The following TET3 variants were observed in gnomAD, a reference collection of about 807,000 sequenced individuals.
TET3 encodes the protein methylcytosine dioxygenase TET3.
Under a neutral mutation model 141.4 loss-of-function variants are expected in TET3, and 19 were observed. The ratio of observed to expected loss-of-function variants is 0.13; its 90% CI spans 0.09 to 0.20. The LOEUF (loss-of-function observed/expected upper bound fraction) is 0.20. Ranked by LOEUF, TET3 falls within the 10% of genes least tolerant of loss-of-function variation. The pLI, the probability that TET3 is intolerant of heterozygous loss-of-function variation, is 1.00. For missense variants in TET3, 1,874 were observed against 2,356.9 expected, an observed-to-expected ratio of 0.80 and a Z score of 4.24; for synonymous variants, 1,043 against 980.9, an observed-to-expected ratio of 1.06 and a Z score of -1.18.
At chr2:74,061,327 G>A (rs1331775729) in intron 4 of TET3, among the ~76,000 whole-genome samples, 6 of 135,044 alleles carry the variant, frequency 4.4e-5, no homozygotes, top group South Asian at 2.4e-4. Context: ...CCGGGCAGAG[G>A]CGCCCCTCAC....
the TET3 span, among the ~76,000 whole-genome samples, chr2:74,127,676 AAC>A: frequency 6.6e-6 from 1 of 151,702 alleles, no homozygotes; most frequent in Non-Finnish European, 1.5e-5. Flanking sequence ...TGCCTTGAAA[AAC>A]ACATTATTCT....
chr2:74,098,035 C>T (rs1690950908), intron 10 of TET3, among the ~76,000 whole-genome samples: 1 of 152,082 alleles, frequency 6.6e-6, no homozygotes, highest in South Asian at 2.1e-4. Flanking sequence ...TGTACACCAA[C>T]AACGAGATCG....
the TET3 span, among the ~76,000 whole-genome samples, chr2:74,118,662 T>C: frequency 2.6e-5 from 4 of 152,172 alleles, no homozygotes; most frequent in South Asian, 4.1e-4. Context: ...ACATTGTATT[T>C]GCTTTTCTCT....
rs902693816 is a variant in TET3 at position 74,102,920 on chromosome 2, C to A, written c.*744C>A. The A allele has an allele frequency of 6.6e-6, 1 of 152,234 alleles. No individual in the cohort carries two copies. The highest frequency in any genetic ancestry group is 1.5e-5 in the Non-Finnish European group (1 of 68,084). 9.4% of individuals were successfully genotyped at this position (152,234 alleles called of 1,614,324 possible). A position where few individuals can be genotyped will look rare whatever the true frequency, so the allele number is the denominator to read the frequency against. On this transcript the variant is annotated 3_prime_UTR_variant, in exon 12 of 12. Transcript: ENST00000409262. ...AGGGCAGATGCACCCCAGGCCAGCC[C>A]CACGAGATGCTGGCATAGCTTTCCC...
the TET3 span, chr2:74,121,747 C>T: frequency 6.6e-6 from 1 of 152,276 alleles, no homozygotes; most frequent in Non-Finnish European, 1.5e-5. Context: ...GTAATCATCC[C>T]AGCATATTGG....
chr2:74,002,822 G>A (rs1177630329), intron 2 of TET3: 1 of 572,930 alleles, frequency 1.7e-6, no homozygotes, highest in African/African-American at 1.9e-5. Context: ...CGGGGCCGGG[G>A]ATGGCCGGGC....
chr2:74,113,366 A>T, the TET3 span, among the ~76,000 whole-genome samples: 1 of 152,170 alleles, frequency 6.6e-6, no homozygotes, highest in African/African-American at 2.4e-5. Context: ...AGCCTGGGTG[A>T]CAGTGTGAGA....
the TET3 span, among the ~76,000 whole-genome samples, chr2:74,129,630 CAA>C: frequency 3.4e-5 from 5 of 145,004 alleles, no homozygotes; most frequent in African/African-American, 1.0e-4. Context: ...GACCCTGTCT[CAA>C]AAAAAAAAAT....
At chr2:73,985,760 C>T (rs532151872) in intron 1 of TET3, among the ~76,000 whole-genome samples, 25 of 152,056 alleles carry the variant, frequency 1.6e-4, no homozygotes, top group Non-Finnish European at 3.2e-4. Flanking sequence ...CTTGATCACC[C>T]CCTTGAATCC....
chr2:74,041,926 G>A (rs976222490), intron 3 of TET3, among the ~76,000 whole-genome samples: 8 of 152,062 alleles, frequency 5.3e-5, no homozygotes, highest in Non-Finnish European at 7.4e-5. Flanking sequence ...TTTCTTTCTA[G>A]CCTGTTGACC....
chr2:74,114,463 AAT>A, the TET3 span, among the ~76,000 whole-genome samples: 7 of 152,194 alleles, frequency 4.6e-5, no homozygotes, highest in Non-Finnish European at 8.8e-5. Flanking sequence ...TGAAATAAAC[AAT>A]GTGAATACAC....
Position 74,047,426 on chromosome 2 carries a change from A to C in TET3, c.1509A>C (p.Pro503=). ...EAPSSSPAPA[P]SPVLQREAPT... is the part of the protein sequence containing the mutation. ...CCTCTTCCTCCCCGGCCCCGGCCCC[A>C]TCCCCTGTACTTCAGAGGGAGGCTC... The change falls in exon 4 of 12, where the codon CCA becomes CCC. Residue 503 remains proline, a synonymous_variant. Transcript: ENST00000409262. 6.2e-7 allele frequency: 1 copy of C among 1,612,624 alleles called. No homozygotes were observed. Among genetic ancestry groups the C allele is most frequent in the African/African-American group, 1.3e-5 (1 of 74,924 alleles).
chr2:74,007,284 G>T (rs1685199500), intron 3 of TET3, among the ~76,000 whole-genome samples: 1 of 152,184 alleles, frequency 6.6e-6, no homozygotes, highest in Admixed American at 6.5e-5. Flanking sequence ...CTTTACATTT[G>T]CTTTCTCTCT....
the TET3 span, among the ~76,000 whole-genome samples, chr2:74,120,354 C>T: frequency 1.3e-5 from 2 of 152,260 alleles, no homozygotes; most frequent in East Asian, 3.8e-4. Context: ...CCGGCAGGAG[C>T]TTCCGGAGAG....
At chr2:74,084,455 CTTTT>C (rs752192332) in intron 6 of TET3, among the ~76,000 whole-genome samples, 2 of 142,674 alleles carry the variant, frequency 1.4e-5, no homozygotes, top group Non-Finnish European at 3.1e-5. Flanking sequence ...ATGTCTCTCT[CTTTT>C]TTTTTTTTTT....
At position 74,046,504 on chromosome 2, in the gene TET3, A is replaced by T. The variant is rs1339476044; in HGVS notation, c.587A>T (p.Asp196Val). ...CCAGCTCATACTGCTCGCCTGGAAG[A>T]TGCCCACGATCTGGTGGCCTTTTCG... ...PGPAHTARLE[D>V]AHDLVAFSAV... Residue 196 changes from aspartate to valine, a missense_variant, in exon 4 of 12, where the codon GAT becomes GTT. Asp to Val is a radical substitution (Grantham distance 152, BLOSUM62 -3). Around this residue, in one of 10 missense-constraint regions of TET3, gnomAD observed 366 missense variants for 487.0 expected, o/e 0.75. Coordinates refer to ENST00000409262, the MANE Select transcript of TET3 (RefSeq NM_001287491.2). The surrounding 1 kb of genome is among the most constrained non-coding windows in gnomAD (Gnocchi z 4.3). 1 of 1,614,008 alleles carries T rather than the reference A, an allele frequency of 6.2e-7. No individual in the cohort carries two copies.
At chr2:74,092,687 C>T (rs1051717774) in intron 8 of TET3, among the ~76,000 whole-genome samples, 3 of 152,152 alleles carry the variant, frequency 2.0e-5, no homozygotes, top group Admixed American at 6.5e-5. Context: ...ACCTTCAGGC[C>T]GTGGCTTCCA....
At chr2:74,097,195 G>GCGCACACACACACA (rs1553435448) in intron 10 of TET3, among the ~76,000 whole-genome samples, 1 of 137,960 alleles carries the variant, frequency 7.2e-6, no homozygotes, top group South Asian at 2.5e-4. Context: ...AGCCATACAT[G>GCGCACACACACACA]CACACACACA....
the TET3 span, among the ~76,000 whole-genome samples, chr2:74,128,895 G>A: frequency 0.2 from 30,532 of 150,550 alleles, 3,401 homozygotes; most frequent in East Asian, 0.41. Flanking sequence ...GGGAGGCTGA[G>A]GTGGGAGGAT....
Sources: gnomAD v4.1 joint callset for allele counts (sites outside exome capture counted in the v4.1 genomes callset) on GRCh38, gnomAD v4.1.1 for gene constraint, gnomAD v4.1.1 regional missense constraint, Gnocchi (gnomAD v3.1) non-coding constraint, MANE v1.5 for transcripts, NCBI Gene and HGNC (gene_info 2026-07-23, HGNC 2026-07-21) for gene names.